The following FMN1 variants were observed in gnomAD, a reference collection of about 807,000 sequenced individuals.
FMN1 encodes the protein formin 1.
Under a neutral mutation model 132.4 loss-of-function variants are expected in FMN1, and 110 were observed. The observed-to-expected ratio is 0.83, with a 90% CI of 0.71 to 0.97. The LOEUF (loss-of-function observed/expected upper bound fraction) is 0.97, where lower values mean the gene tolerates loss of function less well. Ranked by LOEUF, FMN1 falls within the 50% of genes least tolerant of loss-of-function variation. FMN1 has a pLI of 0.00. For synonymous variants in FMN1, 722 were observed against 651.7 expected, an observed-to-expected ratio of 1.11 and a Z score of -1.64; for missense variants, 1,792 against 1,705.3, an observed-to-expected ratio of 1.05 and a Z score of -0.90.
chr15:32,855,921 G>C (rs1459741495), intron 17 of FMN1, among the ~76,000 whole-genome samples: 1 of 151,582 alleles, frequency 6.6e-6, no homozygotes, highest in East Asian at 1.9e-4. Context: ...CTCTCAAGAT[G>C]GTACTTTGTC....
intron 5 of FMN1, among the ~76,000 whole-genome samples, chr15:33,071,606 T>C (rs2038003358): frequency 6.6e-6 from 1 of 152,200 alleles, no homozygotes; most frequent in African/African-American, 2.4e-5. Flanking sequence ...TTCAGTCTAA[T>C]AGTAATAGCT....
At chr15:33,139,467 T>G (rs1445044537) in intron 4 of FMN1, among the ~76,000 whole-genome samples, 1 of 152,088 alleles carries the variant, frequency 6.6e-6, no homozygotes, top group African/African-American at 2.4e-5. Flanking sequence ...TAGACACACC[T>G]ATAATCCCAA....
chr15:33,041,985 TACC>T (rs201110478), intron 6 of FMN1, among the ~76,000 whole-genome samples: 1,610 of 152,182 alleles, frequency 0.011, 11 homozygotes, highest in Non-Finnish European at 0.015. Flanking sequence ...ATGTATATTT[TACC>T]ACAATAAAAA....
Position 33,154,590 on chromosome 15 carries a change from C to A in FMN1, c.325G>T (p.Gly109Trp). The change falls in exon 4 of 21, where the codon GGG becomes TGG. Residue 109 changes from glycine to tryptophan, a missense_variant. Physicochemically the swap from Gly to Trp is radical, Grantham distance 184. This residue lies in a region of FMN1 where 638 missense variants were observed against 645.2 expected (regional missense o/e 0.99). Transcript: ENST00000616417. ...CCCTCCTGGTTCCCCATCGTGATCC[C>A]CAGGATGTGGTCTGAGCTCAGGAGA... Reference protein sequence around the residue: ...TNLLSSDHILGITMGNQEGKL... With the variant: ...TNLLSSDHILWITMGNQEGKL... 6.5e-7 allele frequency: 1 copy of A among 1,536,096 alleles called. No individual in the cohort carries two copies.
chr15:33,104,323 T>C (rs983515594), intron 4 of FMN1, among the ~76,000 whole-genome samples: 2 of 152,198 alleles, frequency 1.3e-5, no homozygotes, highest in East Asian at 3.8e-4. Context: ...ATTTTACTTA[T>C]AAATATGTAA....
intron 6 of FMN1, among the ~76,000 whole-genome samples, chr15:33,050,903 G>T (rs530933045): frequency 6.6e-6 from 1 of 152,338 alleles, no homozygotes; most frequent in South Asian, 2.1e-4. Flanking sequence ...AGAGTGCCCT[G>T]TATGCACTGA....
chr15:33,023,077 A>AAT (rs397943431), intron 6 of FMN1, among the ~76,000 whole-genome samples: 1 of 123,516 alleles, frequency 8.1e-6, no homozygotes, highest in Admixed American at 8.3e-5. Flanking sequence ...AAAAAAAAAA[A>AAT]GAAAAAAAAG....
At chr15:33,143,701 C>T (rs985676457) in intron 4 of FMN1, among the ~76,000 whole-genome samples, 3 of 152,126 alleles carry the variant, frequency 2.0e-5, no homozygotes, top group Admixed American at 1.3e-4. Context: ...GACAATTTGT[C>T]GCTTGCAGCC....
chr15:32,900,948 G>A (rs1018480081), intron 13 of FMN1, among the ~76,000 whole-genome samples: 1 of 152,134 alleles, frequency 6.6e-6, no homozygotes, highest in East Asian at 1.9e-4. Context: ...GAGGTCTGGA[G>A]TTCAAGACCA....
Position 32,899,785 on chromosome 15 carries a change from G to GAA in FMN1, c.3654+192_3654+193dup, listed in dbSNP as rs4041540. The GAA allele has an allele frequency of 0.05, 26,763 of 531,650 alleles. 217 individuals carry two copies. The highest frequency in any genetic ancestry group is 0.12 in the African/African-American group (5,883 of 49,422). The allele number at this position is 531,650 out of a possible 1,614,324, so 32.9% of individuals were successfully genotyped here. On this transcript the variant is annotated intron_variant, in intron 14 of 20. Coordinates refer to ENST00000616417, the MANE Select transcript of FMN1 (RefSeq NM_001277313.2). Reference sequence around the variant, plus strand: ...AGTAATTGAAAATAAAGTCTAACGTGAAAAAAAAAAACCAAACAAAACTCT... The same window carrying GAA: ...AGTAATTGAAAATAAAGTCTAACGTGAAAAAAAAAAAAACCAAACAAAACTCT...
intron 5 of FMN1, among the ~76,000 whole-genome samples, chr15:33,074,903 C>T (rs1241247296): frequency 6.6e-6 from 1 of 151,438 alleles, no homozygotes; most frequent in African/African-American, 2.4e-5. Flanking sequence ...CGCCTGTAGT[C>T]CCAGCTACTC....
At chr15:32,792,535 G>C (rs2057125769) in intron 19 of FMN1, among the ~76,000 whole-genome samples, 1 of 152,144 alleles carries the variant, frequency 6.6e-6, no homozygotes, top group African/African-American at 2.4e-5. Flanking sequence ...TTTCAGTTAG[G>C]AAATGTGACA....
At chr15:32,947,408 A>ACTAT (rs769316089) in intron 9 of FMN1, among the ~76,000 whole-genome samples, 77 of 152,178 alleles carry the variant, frequency 5.1e-4, no homozygotes, top group Non-Finnish European at 1.0e-3. Context: ...TTACTGCCAT[A>ACTAT]CTATAGCCAC....
intron 6 of FMN1, among the ~76,000 whole-genome samples, chr15:33,035,796 A>G (rs191967778): frequency 1.3e-5 from 2 of 152,238 alleles, no homozygotes; most frequent in African/African-American, 4.8e-5. Context: ...ATGTTAAAAC[A>G]TAGCCCACAA....
intron 9 of FMN1, among the ~76,000 whole-genome samples, chr15:32,956,445 G>C (rs1037934063): frequency 1.3e-5 from 2 of 151,842 alleles, no homozygotes; most frequent in African/African-American, 4.8e-5. Context: ...TTACAAGGTG[G>C]AATTTTTGTA....
At chr15:33,070,138 T>G (rs2037937546) in intron 5 of FMN1, among the ~76,000 whole-genome samples, 1 of 151,400 alleles carries the variant, frequency 6.6e-6, no homozygotes, top group African/African-American at 2.4e-5. Context: ...CCTGAGTAGC[T>G]GGAATTACAG....
At chr15:32,938,116 G>T (rs1005709292) in intron 9 of FMN1, among the ~76,000 whole-genome samples, 5 of 152,052 alleles carry the variant, frequency 3.3e-5, no homozygotes, top group African/African-American at 1.2e-4. Context: ...TCACTGTGTA[G>T]CGTGTTTTTT....
At chr15:33,125,129 G>A (rs1454957834) in intron 4 of FMN1, among the ~76,000 whole-genome samples, 1 of 152,140 alleles carries the variant, frequency 6.6e-6, no homozygotes, top group Non-Finnish European at 1.5e-5. Context: ...CATCTAGGGA[G>A]GCCAAATGAT....
intron 9 of FMN1, among the ~76,000 whole-genome samples, chr15:32,951,955 T>C (rs2061663896): frequency 6.6e-6 from 1 of 152,224 alleles, no homozygotes; most frequent in Non-Finnish European, 1.5e-5. Context: ...CTCAGCCCTC[T>C]GCTACAGCCT....
Sources: allele counts gnomAD v4.1 joint callset (sites outside exome capture counted in the v4.1 genomes callset), GRCh38; gene constraint gnomAD v4.1.1; regional missense constraint gnomAD v4.1.1; transcripts MANE v1.5; gene names NCBI Gene and HGNC (gene_info 2026-07-23, HGNC 2026-07-21).